Variants in EBF1 observed in about 807,000 individuals in gnomAD.
The protein encoded by EBF1 is EBF transcription factor 1, also known as transcription factor COE1.
Under a neutral mutation model 68.4 loss-of-function variants are expected in EBF1, and 10 were observed. The ratio of observed to expected loss-of-function variants is 0.15; its 90% confidence interval spans 0.09 to 0.25. EBF1 has a LOEUF of 0.25. Among genes scored for constraint, EBF1 ranks in the 10% least tolerant of loss-of-function variants. EBF1 has a pLI of 1.00. For missense variants in EBF1, 509 were observed against 794.4 expected, an observed-to-expected ratio of 0.64 and a Z score of 4.32; for synonymous variants, 298 against 299.8, an observed-to-expected ratio of 0.99 and a Z score of 0.06.
At chr5:159,004,376 T>C (rs1763143365) in intron 6 of EBF1, among the ~76,000 whole-genome samples, 1 of 152,052 alleles carries the variant, frequency 6.6e-6, no homozygotes, top group African/African-American at 2.4e-5. Flanking sequence ...CATACTATTA[T>C]GTTCCTTTTA....
At chr5:158,758,064 G>C (rs557717894) in intron 10 of EBF1, among the ~76,000 whole-genome samples, 10 of 152,264 alleles carry the variant, frequency 6.6e-5, no homozygotes, top group African/African-American at 2.4e-4. Flanking sequence ...CATGTGCCAA[G>C]TACTTTACTC....
At chr5:158,894,526 T>C (rs915394326) in intron 6 of EBF1, among the ~76,000 whole-genome samples, 1 of 152,224 alleles carries the variant, frequency 6.6e-6, no homozygotes, top group African/African-American at 2.4e-5. Context: ...GGCAGATTAG[T>C]TTCCATGATG....
chr5:158,900,744 T>A (rs1245618908), intron 6 of EBF1, among the ~76,000 whole-genome samples: 2 of 152,234 alleles, frequency 1.3e-5, no homozygotes, highest in East Asian at 3.8e-4. Context: ...TTACACTAGG[T>A]ACTTTACAAG....
chr5:158,914,668 C>T (rs146104575), intron 6 of EBF1, among the ~76,000 whole-genome samples: 3 of 152,138 alleles, frequency 2.0e-5, no homozygotes, highest in African/African-American at 4.8e-5. Context: ...AGATCAACCA[C>T]GGTTTTGGCT....
intron 9 of EBF1, among the ~76,000 whole-genome samples, chr5:158,793,262 ACT>A (rs990198032): frequency 6.6e-6 from 1 of 152,138 alleles, no homozygotes; most frequent in African/African-American, 2.4e-5. Flanking sequence ...TATTAGTCAC[ACT>A]CTGCATTTTC....
intron 6 of EBF1, among the ~76,000 whole-genome samples, chr5:158,845,284 G>A (rs114684790): frequency 6.0e-4 from 91 of 152,198 alleles, no homozygotes; most frequent in Non-Finnish European, 1.0e-3. Flanking sequence ...GAACCTCAGT[G>A]GCCTCATTAA....
chr5:158,931,075 A>T (rs889588496), intron 6 of EBF1, among the ~76,000 whole-genome samples: 1 of 152,248 alleles, frequency 6.6e-6, no homozygotes, highest in Non-Finnish European at 1.5e-5. Flanking sequence ...TGCTGTGCAC[A>T]GCAAACTCTT....
chr5:158,803,114 G>A (rs1780915006), intron 8 of EBF1, among the ~76,000 whole-genome samples: 1 of 152,070 alleles, frequency 6.6e-6, no homozygotes, highest in Non-Finnish European at 1.5e-5. Context: ...CGACTTTAAT[G>A]TTATTGTCCC....
intron 6 of EBF1, among the ~76,000 whole-genome samples, chr5:158,871,167 G>C (rs1796802637): frequency 6.6e-6 from 1 of 152,210 alleles, no homozygotes; most frequent in African/African-American, 2.4e-5. Flanking sequence ...TGCTCATCTA[G>C]CTGCTACTAC....
Position 158,823,260 on chromosome 5 carries a change from T to C in EBF1, c.694A>G (p.Met232Val), listed in dbSNP as rs112505494. Reference sequence around the variant, plus strand: ...TGCTTGGAATTATTATGGACAAACATGTTATCAGAGACTGCCAGGACATGG... The same window carrying C: ...TGCTTGGAATTATTATGGACAAACACGTTATCAGAGACTGCCAGGACATGG... Reference protein sequence around the residue: ...DGHVLAVSDNMFVHNNSKHGR... With the variant: ...DGHVLAVSDNVFVHNNSKHGR... Residue 232 changes from methionine (M) to valine (V), a missense_variant, in exon 8 of 16, where the codon ATG becomes GTG. Around this residue, in one of 3 missense-constraint regions of EBF1, gnomAD observed 230 missense variants for 467.7 expected, o/e 0.49. Coordinates refer to ENST00000313708, the MANE Select transcript of EBF1 (RefSeq NM_024007.5). The C allele has an allele frequency of 6.2e-7, 1 of 1,613,812 alleles. No individual in the cohort carries two copies. The highest frequency in any genetic ancestry group is 8.5e-7 in the Non-Finnish European group (1 of 1,179,910).
Position 158,699,030 on chromosome 5 carries a change from T to C in EBF1, c.*81A>G, listed in dbSNP as rs1581120152. Reference sequence around the variant, plus strand: ...TCTTAAAAAGGCCTGAGTTAAAAGTTCCACTCTGGGACTTGTATCAGATTA... The same window carrying C: ...TCTTAAAAAGGCCTGAGTTAAAAGTCCCACTCTGGGACTTGTATCAGATTA... On this transcript the variant is annotated 3_prime_UTR_variant, in exon 16 of 16. Coordinates refer to ENST00000313708, the MANE Select transcript of EBF1 (RefSeq NM_024007.5). The C allele has an allele frequency of 8.9e-6, 12 of 1,350,774 alleles. No homozygotes were observed. The East Asian group carries it at 2.7e-4, about 31-fold the overall frequency. 83.7% of individuals were successfully genotyped at this position (1,350,774 alleles called of 1,614,324 possible). A position where few individuals can be genotyped will look rare whatever the true frequency, so the allele number is the denominator to read the frequency against.
At chr5:159,038,882 C>A (rs1222991490) in intron 6 of EBF1, among the ~76,000 whole-genome samples, 1 of 152,050 alleles carries the variant, frequency 6.6e-6, no homozygotes, top group Admixed American at 6.5e-5. Flanking sequence ...GGATCTCGGA[C>A]AAGTAGCCTC....
rs535053783 is a variant in EBF1, at chr5:159,004,096, G to A, written c.554+69300C>T. Among the ~76,000 whole-genome samples the A allele has an allele frequency of 2.7e-3, 414 of 152,198 alleles. 2 individuals carry two copies. Among genetic ancestry groups the A allele is most frequent in the African/African-American group, 9.5e-3 (394 of 41,502 alleles). ...GTTTGAGACCAGCCTGGGCAACATG[G>A]TGAAACCCCGTCTCTACTAAAAATA... On this transcript the variant is annotated intron_variant, in intron 6 of 15. Transcript: ENST00000313708.
intron 12 of EBF1, 36 bp downstream of exon 12, chr5:158,714,081 G>A (rs1760079658): frequency 6.2e-7 from 1 of 1,606,928 alleles, no homozygotes; most frequent in Non-Finnish European, 8.5e-7. Context: ...AATTGCATGT[G>A]GCAGTCCACA....
intron 8 of EBF1, among the ~76,000 whole-genome samples, chr5:158,804,905 T>C (rs1044144321): frequency 1.3e-5 from 2 of 152,126 alleles, no homozygotes; most frequent in Admixed American, 1.3e-4. Context: ...AAAATTGTCA[T>C]GGAGGGTAAG....
Position 159,057,448 on chromosome 5 carries a change from G to A in EBF1, c.554+15948C>T, listed in dbSNP as rs541615674. On this transcript the variant is annotated intron_variant, in intron 6 of 15. Coordinates refer to ENST00000313708, the MANE Select transcript of EBF1 (RefSeq NM_024007.5). ...TGAGAAACAATTTAACTTGTGCTCC[G>A]TGCACAATGCTAGGCCTTGTTAGAG... 7.9e-5 allele frequency among the ~76,000 whole-genome samples: 12 copies of A among 152,270 alleles called. No individual in the cohort carries two copies. The East Asian group carries it at 1.2e-3, about 15-fold the overall frequency.
At chr5:159,069,178 T>C (rs1777382743) in intron 6 of EBF1, among the ~76,000 whole-genome samples, 1 of 149,876 alleles carries the variant, frequency 6.7e-6, no homozygotes, top group Non-Finnish European at 1.5e-5. Flanking sequence ...GAACATAATT[T>C]GAGATGGAAT....
At chr5:158,901,953 T>G (rs1803454550) in intron 6 of EBF1, among the ~76,000 whole-genome samples, 1 of 152,144 alleles carries the variant, frequency 6.6e-6, no homozygotes, top group Non-Finnish European at 1.5e-5. Flanking sequence ...TAGCTGGGTT[T>G]GGTGGCATGC....
intron 6 of EBF1, among the ~76,000 whole-genome samples, chr5:158,936,807 C>T (rs1032347910): frequency 3.9e-5 from 6 of 152,120 alleles, no homozygotes; most frequent in South Asian, 4.1e-4. Context: ...CATAGTATCA[C>T]GAACAGAGTA....
Sources: allele counts gnomAD v4.1 joint callset (sites outside exome capture counted in the v4.1 genomes callset), GRCh38; gene constraint gnomAD v4.1.1; regional missense constraint gnomAD v4.1.1; transcripts MANE v1.5; gene names NCBI Gene and HGNC (gene_info 2026-07-23, HGNC 2026-07-21).